Variants in RIT2 observed in about 807,000 individuals in gnomAD.
RIT2 encodes GTP-binding protein Rit2.
A neutral mutation model predicts 23.7 loss-of-function variants in RIT2; 24 were observed. That is an observed-to-expected ratio of 1.01 (90% CI 0.73 to 1.43). The LOEUF is 1.43. Ranked by LOEUF, RIT2 falls within the 40% of genes most tolerant of loss-of-function variation. The probability of loss-of-function intolerance (pLI) is 0.00; values close to 1 mark genes in which losing one functional copy is unlikely to be tolerated. For synonymous variants in RIT2, 107 were observed against 91.1 expected (o/e 1.17, Z -0.99); for missense variants, 236 against 266.9 (o/e 0.88, Z 0.81).
intron 4 of RIT2, among the ~76,000 whole-genome samples, chr18:42,833,817 GAAGAAAAACA>G (rs1031311539): frequency 1.2e-4 from 18 of 151,278 alleles, no homozygotes; most frequent in Admixed American, 5.3e-4. Flanking sequence ...GTATGGATAG[GAAGAAAAACA>G]AAGAAAAATA....
intron 1 of RIT2, among the ~76,000 whole-genome samples, chr18:43,095,983 C>T (rs940031611): frequency 2.6e-5 from 4 of 151,808 alleles, no homozygotes; most frequent in Admixed American, 6.6e-5. Flanking sequence ...AATGTCTACA[C>T]TTACAGTAAT....
chr18:43,103,430 A>C (rs1913734340), intron 1 of RIT2, among the ~76,000 whole-genome samples: 1 of 152,244 alleles, frequency 6.6e-6, no homozygotes, highest in African/African-American at 2.4e-5. Flanking sequence ...AGAGATAACA[A>C]ATTAAATACA....
chr18:42,800,496 A>G (rs1598659163), intron 4 of RIT2, among the ~76,000 whole-genome samples: 1 of 143,260 alleles, frequency 7.0e-6, no homozygotes, highest in African/African-American at 2.5e-5. Flanking sequence ...TTTTTCCTCC[A>G]TTTGTTTGAA....
intron 4 of RIT2, among the ~76,000 whole-genome samples, chr18:42,872,121 A>G (rs1732113428): frequency 6.6e-6 from 1 of 152,200 alleles, no homozygotes; most frequent in African/African-American, 2.4e-5. Context: ...AAAACAAAAA[A>G]AAATCAAAAA....
At chr18:42,943,234 A>C (rs1187449307) in intron 3 of RIT2, among the ~76,000 whole-genome samples, 2 of 152,028 alleles carry the variant, frequency 1.3e-5, no homozygotes, top group Admixed American at 6.6e-5. Flanking sequence ...TATTTTTAGG[A>C]TGCTGCTGAT....
chr18:43,046,260 A>G (rs1912244267), intron 1 of RIT2, among the ~76,000 whole-genome samples: 1 of 152,066 alleles, frequency 6.6e-6, no homozygotes, highest in Admixed American at 6.5e-5. Context: ...GGAGGTTAGG[A>G]TCAGATCTAC....
rs1411480194 is a variant in RIT2 at position 42,831,453 on chromosome 18, G to A, written c.427-87733C>T. ...GAATCTTTTTCTTTATTATTATTACGATTATTTTTAGTTTAAATCCATTGT... is the reference window on the plus strand; with the variant it reads ...GAATCTTTTTCTTTATTATTATTACAATTATTTTTAGTTTAAATCCATTGT... On this transcript the variant is annotated intron_variant, in intron 4 of 4. Transcript: ENST00000326695. Among the ~76,000 whole-genome samples the A allele has an allele frequency of 2.6e-5, 4 of 151,886 alleles. No homozygotes were observed. The East Asian group carries it at 5.8e-4, about 22-fold the overall frequency.
chr18:42,949,434 T>C (rs1219491602), intron 3 of RIT2, among the ~76,000 whole-genome samples: 1 of 152,052 alleles, frequency 6.6e-6, no homozygotes, highest in Non-Finnish European at 1.5e-5. Context: ...ATTACATAAA[T>C]GTTTCAAAAT....
intron 3 of RIT2, among the ~76,000 whole-genome samples, chr18:42,934,474 A>T (rs1909404805): frequency 1.3e-5 from 2 of 152,180 alleles, no homozygotes; most frequent in South Asian, 4.1e-4. Flanking sequence ...GATAATGAGG[A>T]TATTTGAGTT....
chr18:43,034,597 TTTC>T (rs1024418724), intron 1 of RIT2, among the ~76,000 whole-genome samples: 4 of 152,184 alleles, frequency 2.6e-5, no homozygotes, highest in Non-Finnish European at 5.9e-5. Context: ...AGCTCTTCTC[TTTC>T]TTTTTTCCTC....
chr18:42,756,077 T>C (rs139329471), intron 4 of RIT2, among the ~76,000 whole-genome samples: 234 of 152,164 alleles, frequency 1.5e-3, no homozygotes, highest in African/African-American at 5.2e-3. Flanking sequence ...GTAGTTAATA[T>C]GGTTTAGACC....
At chr18:43,020,165 T>C (rs1911562364) in intron 2 of RIT2, among the ~76,000 whole-genome samples, 1 of 152,076 alleles carries the variant, frequency 6.6e-6, no homozygotes, top group Admixed American at 6.6e-5. Context: ...AATGCATTTT[T>C]CACAGAAATA....
intron 4 of RIT2, among the ~76,000 whole-genome samples, chr18:42,877,566 C>A (rs1366391501): frequency 6.8e-6 from 1 of 146,802 alleles, no homozygotes; most frequent in African/African-American, 2.5e-5. Context: ...AGATACATAT[C>A]TATATACAAA....
At chr18:42,996,699 C>T (rs1198843750) in intron 2 of RIT2, among the ~76,000 whole-genome samples, 1 of 151,968 alleles carries the variant, frequency 6.6e-6, no homozygotes, top group East Asian at 1.9e-4. Context: ...TCACCCCTAT[C>T]TCCCTTCGCT....
chr18:42,828,170 T>C (rs533559698), intron 4 of RIT2, among the ~76,000 whole-genome samples: 2 of 152,262 alleles, frequency 1.3e-5, no homozygotes, highest in African/African-American at 4.8e-5. Flanking sequence ...GGCAAGACCA[T>C]GAATTTTTAC....
intron 1 of RIT2, among the ~76,000 whole-genome samples, chr18:43,072,274 C>T (rs191187596): frequency 1.3e-5 from 2 of 152,236 alleles, no homozygotes; most frequent in Admixed American, 6.5e-5. Flanking sequence ...GAGTGAGCCA[C>T]CACACCTGGC....
At chr18:42,931,614 T>C (rs1393286219) in intron 3 of RIT2, among the ~76,000 whole-genome samples, 1 of 152,124 alleles carries the variant, frequency 6.6e-6, no homozygotes. Flanking sequence ...TGACCGCCTC[T>C]GGGGGGTACA....
chr18:42,823,896 G>A (rs542466609), intron 4 of RIT2, among the ~76,000 whole-genome samples: 52 of 152,206 alleles, frequency 3.4e-4, no homozygotes, highest in African/African-American at 1.2e-3. Context: ...CTGTTCAAGC[G>A]TGGGGAAGTT....
intron 4 of RIT2, among the ~76,000 whole-genome samples, chr18:42,915,139 T>C (rs1176579350): frequency 1.5e-5 from 2 of 129,158 alleles, no homozygotes; most frequent in African/African-American, 5.5e-5. Flanking sequence ...CCTACATCTA[T>C]ACATATAATT....
Sources: allele counts gnomAD v4.1 joint callset (sites outside exome capture counted in the v4.1 genomes callset), GRCh38; gene constraint gnomAD v4.1.1; transcripts MANE v1.5; gene names NCBI Gene and HGNC (gene_info 2026-07-23, HGNC 2026-07-21).